Variants in REPS1 observed in about 807,000 individuals in gnomAD.
REPS1 encodes the protein RALBP1 associated Eps domain containing 1.
Under a neutral mutation model 100.9 loss-of-function variants are expected in REPS1, and 39 were observed. The observed-to-expected ratio is 0.39, with a 90% CI of 0.30 to 0.50. The LOEUF is 0.50. Among genes scored for constraint, REPS1 ranks in the 20% least tolerant of loss-of-function variants. The pLI, the probability that REPS1 is intolerant of heterozygous loss-of-function variation, is 0.86. For synonymous variants in REPS1, 324 were observed against 340.3 expected, an observed-to-expected ratio of 0.95 and a Z score of 0.53; for missense variants, 821 against 968.5, an observed-to-expected ratio of 0.85 and a Z score of 2.02.
At chr6:138,907,362 A>T in intron 19 of REPS1, 133 bp downstream of exon 19, 1 of 505,944 alleles carries the variant, frequency 2.0e-6, no homozygotes. Flanking sequence ...TTAACTAACC[A>T]CAGTCAAAGC....
At chr6:138,936,534 T>C (rs1213200486) in intron 8 of REPS1, among the ~76,000 whole-genome samples, 3 of 131,064 alleles carry the variant, frequency 2.3e-5, no homozygotes, top group Non-Finnish European at 4.6e-5. Flanking sequence ...ATTTATCAGA[T>C]ACAACAGCCA....
Position 138,987,720 on chromosome 6 carries a change from A to C in REPS1, c.-38T>G, listed in dbSNP as rs1406020919. On this transcript the variant is annotated 5_prime_UTR_variant, in exon 1 of 20. Transcript: ENST00000450536. ...CTCACGGCCGCCCCGCCCCGCATGC[A>C]CTACTCGGGGCCCGGCCCCAGGAAC... The C allele has an allele frequency of 6.6e-7, 1 of 1,506,710 alleles. No individual in the cohort carries two copies. Among genetic ancestry groups the C allele is most frequent in the Non-Finnish European group, 8.9e-7 (1 of 1,124,202 alleles). The allele number at this position is 1,506,710 out of a possible 1,614,324, so 93.3% of individuals were successfully genotyped here.
chr6:138,912,123 A>G (rs973170), intron 16 of REPS1, among the ~76,000 whole-genome samples: 21,614 of 152,196 alleles, frequency 0.14, 1,626 homozygotes, highest in Non-Finnish European at 0.16. Flanking sequence ...GCTATGACCT[A>G]TAAGAAAGAG....
chr6:138,981,091 C>T (rs1784924202), intron 1 of REPS1, among the ~76,000 whole-genome samples: 1 of 152,202 alleles, frequency 6.6e-6, no homozygotes, highest in South Asian at 2.1e-4. Context: ...CTGGAAATCA[C>T]AAATTAAGTG....
At chr6:138,918,973 C>T (rs1480667502) in intron 12 of REPS1, among the ~76,000 whole-genome samples, 2 of 152,106 alleles carry the variant, frequency 1.3e-5, no homozygotes, top group African/African-American at 4.8e-5. Flanking sequence ...TATCTCTTTC[C>T]TTTTTCTTGT....
chr6:138,907,311 AAAGTGTGTGTGTGT>A, intron 19 of REPS1, 170 bp downstream of exon 19: 6 of 143,754 alleles, frequency 4.2e-5, no homozygotes, highest in Non-Finnish European at 6.7e-5. Context: ...AAAAAAAAAA[AAAGTGTGTGTGTGT>A]GTGTGTGTGT....
At chr6:138,974,070 A>G (rs991465313) in intron 1 of REPS1, among the ~76,000 whole-genome samples, 2 of 152,168 alleles carry the variant, frequency 1.3e-5, no homozygotes, top group Admixed American at 1.3e-4. Flanking sequence ...CCCTAGGTAC[A>G]TACCCTGGAG....
In REPS1 at chr6:138,916,206, ATTTC is replaced by A. The variant is rs1457922459; in HGVS notation, c.1602-234_1602-231del. On this transcript the variant is annotated intron_variant, in intron 13 of 19. Transcript: ENST00000450536. The stretch of plus-strand genomic sequence containing the variant: ...TTTTTTAATAAAGTTATTAAGCAAA[ATTTC>A]TTTTTTTCTTTTTTTTTTTTTTTTT... The A allele has an allele frequency of 4.7e-5, 18 of 386,604 alleles. No individual in the cohort carries two copies. In the East Asian group the frequency reaches 8.1e-4, roughly 17 times the overall value. 23.9% of individuals were successfully genotyped at this position (386,604 alleles called of 1,614,324 possible). A position where few individuals can be genotyped will look rare whatever the true frequency, so the allele number is the denominator to read the frequency against.
intron 6 of REPS1, 111 bp downstream of exon 6, chr6:138,943,742 T>C: frequency 9.3e-7 from 1 of 1,079,536 alleles, no homozygotes. Flanking sequence ...ACAAATAATC[T>C]GATAATTATT....
At chr6:138,923,565 T>C (rs1001207206) in intron 10 of REPS1, among the ~76,000 whole-genome samples, 1 of 152,186 alleles carries the variant, frequency 6.6e-6, no homozygotes, top group African/African-American at 2.4e-5. Context: ...ACACTTCTCA[T>C]CCACCTACAA....
At chr6:138,918,221 G>A (rs1271807130) in intron 12 of REPS1, among the ~76,000 whole-genome samples, 2 of 152,036 alleles carry the variant, frequency 1.3e-5, no homozygotes, top group African/African-American at 4.8e-5. Context: ...AAAGTGCTGG[G>A]ATTACAGGTG....
chr6:138,925,530 C>T (rs938589784), intron 10 of REPS1, among the ~76,000 whole-genome samples: 3 of 151,968 alleles, frequency 2.0e-5, no homozygotes, highest in African/African-American at 2.4e-5. Context: ...CTAGAAAGAA[C>T]GACTTATGTC....
At chr6:138,914,608 G>T in intron 15 of REPS1, 89 bp downstream of exon 15, 1 of 1,043,708 alleles carries the variant, frequency 9.6e-7, no homozygotes, top group Non-Finnish European at 1.5e-6. Context: ...GATCATTCCT[G>T]ACCTTCCAAA....
At position 138,988,077 on chromosome 6, in the gene REPS1, C is replaced by A; in HGVS notation, c.-395G>T. 1 of 397,980 alleles carries A rather than the reference C, an allele frequency of 2.5e-6. No homozygotes were observed. The highest frequency in any genetic ancestry group is 4.4e-6 in the Non-Finnish European group (1 of 225,640). The allele number at this position is 397,980 out of a possible 1,614,324, so 24.7% of individuals were successfully genotyped here. ...TCCCTGCCGATTCCCCCAGACTTCCCGCCTCGGCTTCCCCTTCCGTCCACG... is the reference window on the plus strand; with the variant it reads ...TCCCTGCCGATTCCCCCAGACTTCCAGCCTCGGCTTCCCCTTCCGTCCACG... On this transcript the variant is annotated 5_prime_UTR_variant, in exon 1 of 20. Coordinates refer to ENST00000450536, the MANE Select transcript of REPS1 (RefSeq NM_001286611.2).
chr6:138,922,267 C>T (rs559698952), intron 10 of REPS1, among the ~76,000 whole-genome samples: 25 of 152,244 alleles, frequency 1.6e-4, no homozygotes, highest in Admixed American at 4.6e-4. Flanking sequence ...AAACTTCCTA[C>T]GGATTAATTC....
intron 1 of REPS1, among the ~76,000 whole-genome samples, chr6:138,952,804 G>A (rs1158301485): frequency 5.3e-5 from 8 of 151,570 alleles, no homozygotes; most frequent in African/African-American, 7.3e-5. Flanking sequence ...TATGAAATAT[G>A]GAGATACAGA....
chr6:138,918,032 A>G (rs2128440799), intron 12 of REPS1, among the ~76,000 whole-genome samples: 1 of 152,220 alleles, frequency 6.6e-6, no homozygotes, highest in Middle Eastern at 3.4e-3. Context: ...ACACAAATAA[A>G]AAACCATGCA....
rs572788540 is a variant in REPS1, at chr6:138,938,866, T to A, written c.1135+2469A>T. On this transcript the variant is annotated intron_variant, in intron 8 of 19. Transcript: ENST00000450536. ...ATTTTTATAATTTTTTTTTTTTTTT[T>A]AGATGGAGCCTCACTCTGTCACCCA... is the stretch of plus-strand genomic sequence containing the variant. Among the ~76,000 whole-genome samples, 23 of 143,354 alleles carry A rather than the reference T, an allele frequency of 1.6e-4. No individual in the cohort carries two copies. In the South Asian group the frequency reaches 4.8e-3, roughly 30 times the overall value. 94.0% of individuals were successfully genotyped at this position (143,354 alleles called of 152,430 possible).
At chr6:138,955,457 A>AGTGTGTGTGTGTGTGTGTGTGT (rs1554294151) in intron 1 of REPS1, among the ~76,000 whole-genome samples, 5 of 90,720 alleles carry the variant, frequency 5.5e-5, no homozygotes, top group Admixed American at 3.4e-4. Context: ...AAAAAAAAAA[A>AGTGTGTGTGTGTGTGTGTGTGT]GTGTGTGTGT....
Sources: gnomAD v4.1 joint callset for allele counts (sites outside exome capture counted in the v4.1 genomes callset) on GRCh38, gnomAD v4.1.1 for gene constraint, MANE v1.5 for transcripts, NCBI Gene and HGNC (gene_info 2026-07-23, HGNC 2026-07-21) for gene names.